Variants in PUM1 observed in about 807,000 individuals in gnomAD.
PUM1 encodes the protein pumilio homolog 1.
A neutral mutation model predicts 131.8 loss-of-function variants in PUM1; 13 were observed. The ratio of observed to expected loss-of-function variants is 0.10; its 90% CI spans 0.06 to 0.16. PUM1 has a LOEUF of 0.16. PUM1 is among the 10% of genes least tolerant of loss of function. The probability of loss-of-function intolerance (pLI) is 1.00; values close to 1 mark genes in which losing one functional copy is unlikely to be tolerated. For missense variants in PUM1, 961 were observed against 1,512.4 expected (o/e 0.64, Z 6.05); for synonymous variants, 509 against 556.5 (o/e 0.91, Z 1.20).
At chr1:30,964,931 T>C in intron 13 of PUM1, 21 bp from the exon 14 acceptor site, 1 of 1,599,126 alleles carries the variant, frequency 6.3e-7, no homozygotes, top group South Asian at 1.1e-5. Flanking sequence ...ATTAAAACAA[T>C]GCAGATAAGA....
chr1:31,036,327 C>G (rs1643611182), intron 2 of PUM1, among the ~76,000 whole-genome samples: 1 of 152,164 alleles, frequency 6.6e-6, no homozygotes, highest in Non-Finnish European at 1.5e-5. Flanking sequence ...CCTCGGCCTC[C>G]CAAAGTGCTG....
intron 10 of PUM1, among the ~76,000 whole-genome samples, chr1:30,972,263 GAAAAGAA>G (rs1557562527): frequency 1.3e-4 from 1 of 7,548 alleles, no homozygotes; most frequent in African/African-American, 1.3e-3. Context: ...AGAAAGAAAA[GAAAAGAA>G]GGGAAGGGAA....
intron 10 of PUM1, 67 bp from the exon 11 acceptor site, chr1:30,968,559 A>G: frequency 1.3e-6 from 2 of 1,511,100 alleles, no homozygotes; most frequent in African/African-American, 2.8e-5. Context: ...CCCTATGCTC[A>G]GGTTGGGTCA....
At chr1:30,966,345 A>T (rs1386585462) in intron 12 of PUM1, 67 bp from the exon 13 acceptor site, 1 of 1,471,904 alleles carries the variant, frequency 6.8e-7, no homozygotes, top group Non-Finnish European at 9.1e-7. Context: ...CTACATTTTT[A>T]TCTTTTTTCA....
At chr1:30,982,695 T>C (rs1233003034) in intron 7 of PUM1, among the ~76,000 whole-genome samples, 2 of 152,228 alleles carry the variant, frequency 1.3e-5, no homozygotes, top group Non-Finnish European at 1.5e-5. Context: ...AGCTTAATTA[T>C]TGTCATGACT....
intron 3 of PUM1, among the ~76,000 whole-genome samples, chr1:31,026,521 A>G (rs1238393950): frequency 6.6e-6 from 1 of 152,156 alleles, no homozygotes; most frequent in East Asian, 1.9e-4. Context: ...TGTTTCCTTA[A>G]CTAGCTAAAG....
At chr1:30,989,427 C>T (rs1641691716) in intron 7 of PUM1, among the ~76,000 whole-genome samples, 1 of 151,820 alleles carries the variant, frequency 6.6e-6, no homozygotes, top group Non-Finnish European at 1.5e-5. Flanking sequence ...CAAAAATTAG[C>T]CAGGCACAGT....
chr1:30,975,356 GT>G (rs916597920), intron 9 of PUM1, among the ~76,000 whole-genome samples: 6 of 59,654 alleles, frequency 1.0e-4, no homozygotes, highest in African/African-American at 2.9e-4. Context: ...TGTTTTTTTT[GT>G]TTTTTTGTTT....
chr1:30,998,143 T>C (rs1005774946), intron 5 of PUM1, among the ~76,000 whole-genome samples: 1 of 152,214 alleles, frequency 6.6e-6, no homozygotes, highest in Non-Finnish European at 1.5e-5. Context: ...GTTTTGATTT[T>C]GCAGAAATTC....
At chr1:30,970,832 C>T (rs1000445596) in intron 10 of PUM1, among the ~76,000 whole-genome samples, 1 of 152,128 alleles carries the variant, frequency 6.6e-6, no homozygotes, top group Non-Finnish European at 1.5e-5. Flanking sequence ...ACAATGAAAG[C>T]ATTGCTTTCA....
intron 2 of PUM1, among the ~76,000 whole-genome samples, chr1:31,030,854 T>C (rs1344588028): frequency 6.6e-6 from 1 of 152,182 alleles, no homozygotes; most frequent in Non-Finnish European, 1.5e-5. Flanking sequence ...GCACAGCCAA[T>C]ACTATGCTAC....
At position 31,028,620 on chromosome 1, in the gene PUM1, CTTT is replaced by C; in HGVS notation, c.432+173_432+175del. 4.8e-6 allele frequency: 3 copies of C among 629,774 alleles called. No homozygotes were observed. The East Asian group carries it at 7.8e-5, about 16-fold the overall frequency. 39.0% of individuals were successfully genotyped at this position (629,774 alleles called of 1,614,324 possible). On this transcript the variant is annotated intron_variant, in intron 3 of 21. Coordinates refer to ENST00000426105, the MANE Select transcript of PUM1 (RefSeq NM_001020658.2). ...ACATTAGGTTATGGTTAACATTCTTCTTTTAATGACATAGTTTTGGCAAAATTC... is the reference window on the plus strand; with the variant it reads ...ACATTAGGTTATGGTTAACATTCTTCTAATGACATAGTTTTGGCAAAATTC...
chr1:30,991,988 G>A (rs1641810488), intron 7 of PUM1, among the ~76,000 whole-genome samples: 1 of 152,144 alleles, frequency 6.6e-6, no homozygotes, highest in African/African-American at 2.4e-5. Flanking sequence ...AAGATGACCT[G>A]GCACTACACT....
intron 2 of PUM1, among the ~76,000 whole-genome samples, chr1:31,045,810 ACT>A (rs1643943835): frequency 1.3e-5 from 2 of 152,118 alleles, no homozygotes; most frequent in South Asian, 4.1e-4. Context: ...GGCTGAGCCC[ACT>A]GGCTCACATC....
At chr1:31,032,583 AAAAG>A (rs1643470171) in intron 2 of PUM1, among the ~76,000 whole-genome samples, 1 of 152,092 alleles carries the variant, frequency 6.6e-6, no homozygotes. Context: ...AAAAAAAAAA[AAAAG>A]GTTTTTAATC....
intron 2 of PUM1, among the ~76,000 whole-genome samples, chr1:31,029,747 C>T (rs548980993): frequency 1.2e-3 from 185 of 152,100 alleles, no homozygotes; most frequent in Middle Eastern, 0.01. Context: ...TGGCAAAATT[C>T]CCCTCTCTAC....
chr1:30,933,112 C>G lies in PUM1; in HGVS notation c.*99G>C. 5 of 1,395,680 alleles carry G rather than the reference C, an allele frequency of 3.6e-6. No homozygotes were observed. Among genetic ancestry groups the G allele is most frequent in the Admixed American group, 2.6e-5 (1 of 37,864 alleles). The allele number at this position is 1,395,680 out of a possible 1,614,324, so 86.5% of individuals were successfully genotyped here. On this transcript the variant is annotated 3_prime_UTR_variant, in exon 22 of 22. Transcript: ENST00000426105. ...AGTAATCCTGGAGCAACCACTTGCCCGTCTCAGACTCTACACTAGAACATT... is the reference window on the plus strand; with the variant it reads ...AGTAATCCTGGAGCAACCACTTGCCGGTCTCAGACTCTACACTAGAACATT...
chr1:31,048,849 C>T (rs1019131855), intron 2 of PUM1, among the ~76,000 whole-genome samples: 8 of 152,140 alleles, frequency 5.3e-5, no homozygotes, highest in African/African-American at 1.9e-4. Context: ...CCTATCATGA[C>T]CTTTTATTCC....
At chr1:31,049,154 G>T (rs564775106) in intron 2 of PUM1, among the ~76,000 whole-genome samples, 1 of 151,182 alleles carries the variant, frequency 6.6e-6, no homozygotes, top group Non-Finnish European at 1.5e-5. Flanking sequence ...GCAGTGAGCC[G>T]AGATTGTGCC....
Sources: gnomAD v4.1 joint callset for allele counts (sites outside exome capture counted in the v4.1 genomes callset) on GRCh38, gnomAD v4.1.1 for gene constraint, MANE v1.5 for transcripts, NCBI Gene and HGNC (gene_info 2026-07-23, HGNC 2026-07-21) for gene names.